Variants in GNAL observed in about 807,000 individuals in gnomAD.
GNAL encodes G protein subunit alpha L.
In GNAL, 18 loss-of-function variants were observed where a neutral mutation model predicts 55.1. The ratio of observed to expected loss-of-function variants is 0.33; its 90% CI spans 0.23 to 0.48. The LOEUF is 0.48. Ranked by LOEUF, GNAL falls within the 20% of genes least tolerant of loss-of-function variation. The pLI is 0.99. For synonymous variants in GNAL, 253 were observed against 237.0 expected, an observed-to-expected ratio of 1.07 and a Z score of -0.62; for missense variants, 412 against 614.1, an observed-to-expected ratio of 0.67 and a Z score of 3.48.
chr18:11,859,298 C>T (rs553339297), intron 5 of GNAL, among the ~76,000 whole-genome samples: 22 of 152,274 alleles, frequency 1.4e-4, no homozygotes, highest in African/African-American at 5.3e-4. Context: ...GACTGTCCAG[C>T]CCCAGTTCAG....
chr18:11,878,896 A>G (rs2036592844), intron 11 of GNAL, among the ~76,000 whole-genome samples: 1 of 149,592 alleles, frequency 6.7e-6, no homozygotes, highest in Non-Finnish European at 1.5e-5. Flanking sequence ...CATTCACTAC[A>G]CACTTACTGT....
chr18:11,863,975 A>G (rs754289466), intron 6 of GNAL, among the ~76,000 whole-genome samples: 1 of 152,152 alleles, frequency 6.6e-6, no homozygotes, highest in Non-Finnish European at 1.5e-5. Flanking sequence ...TCTTGCAGAC[A>G]TGATTTTAAG....
rs1161984314 is a variant in GNAL, at chr18:11,884,142, C to T, written c.*3007C>T. 1 of 270,152 alleles carries T rather than the reference C, an allele frequency of 3.7e-6. No individual in the cohort carries two copies. The highest frequency in any genetic ancestry group is 2.2e-5 in the African/African-American group (1 of 45,798). 16.7% of individuals were successfully genotyped at this position (270,152 alleles called of 1,614,324 possible). A position where few individuals can be genotyped will look rare whatever the true frequency, so the allele number is the denominator to read the frequency against. ...CAGGCCCTTCCTGGGGGAACAAGGA[C>T]TGTCGTGCATGTGAGTGACGACATT... is the stretch of plus-strand genomic sequence containing the variant. On this transcript the variant is annotated 3_prime_UTR_variant, in exon 12 of 12. Coordinates refer to ENST00000334049, the MANE Select transcript of GNAL (RefSeq NM_182978.4).
chr18:11,856,098 C>T (rs932343957), intron 5 of GNAL, among the ~76,000 whole-genome samples: 1 of 151,388 alleles, frequency 6.6e-6, no homozygotes, highest in Non-Finnish European at 1.5e-5. Context: ...TCTGCAAAAA[C>T]ACAACATCCT....
rs113975970 is a variant in GNAL, at chr18:11,863,650, GA to G, written c.778-872del. 1.9e-4 allele frequency among the ~76,000 whole-genome samples: 28 copies of G among 147,018 alleles called. No homozygotes were observed. In the East Asian group the frequency reaches 2.2e-3, roughly 11 times the overall value. ...AAAATCACATGGATTTGGGGGTCAG[GA>G]AAAAAAAAAACTCTGACATCTGCCA... On this transcript the variant is annotated intron_variant, in intron 6 of 11. Transcript: ENST00000334049.
intron 9 of GNAL, among the ~76,000 whole-genome samples, chr18:11,869,545 G>T (rs1327421338): frequency 6.6e-6 from 1 of 152,148 alleles, no homozygotes; most frequent in Non-Finnish European, 1.5e-5. Context: ...CATATCTTCA[G>T]GTTCCACATC....
chr18:11,851,960 A>G (rs1340313610), intron 5 of GNAL: 2 of 1,613,858 alleles, frequency 1.2e-6, no homozygotes, highest in African/African-American at 1.3e-5. Context: ...AACCAAGTGG[A>G]TATGCTGCTC....
chr18:11,733,872 G>GAAA (rs10570693), intron 1 of GNAL, among the ~76,000 whole-genome samples: 13 of 98,722 alleles, frequency 1.3e-4, no homozygotes, highest in African/African-American at 3.7e-4. Context: ...GTCTATCACT[G>GAAA]AAAAAAAAAA....
intron 1 of GNAL, among the ~76,000 whole-genome samples, chr18:11,750,439 G>A (rs1305869900): frequency 6.6e-6 from 1 of 152,068 alleles, no homozygotes; most frequent in East Asian, 1.9e-4. Context: ...GATGCAGTCA[G>A]CCCGTCAGGA....
intron 5 of GNAL, among the ~76,000 whole-genome samples, chr18:11,859,769 G>T (rs1272846482): frequency 6.6e-6 from 1 of 150,390 alleles, no homozygotes; most frequent in Non-Finnish European, 1.5e-5. Flanking sequence ...TTTTTGAGAC[G>T]GAGTCTCACT....
At position 11,801,270 on chromosome 18, in the gene GNAL, G is replaced by A. The variant is rs1393748042; in HGVS notation, c.625-23648G>A. ...AATAAATCAATAAACCACAGTGTGG[G>A]CTGGGCGCAGTGGCTCACGCCTGAA... On this transcript the variant is annotated intron_variant, in intron 4 of 11. Transcript: ENST00000334049. Among the ~76,000 whole-genome samples the A allele has an allele frequency of 2.0e-5, 3 of 152,308 alleles. No homozygotes were observed. In the East Asian group the frequency reaches 5.8e-4, roughly 29 times the overall value.
chr18:11,774,229 G>A (rs941545666), intron 4 of GNAL, among the ~76,000 whole-genome samples: 5 of 152,172 alleles, frequency 3.3e-5, no homozygotes, highest in African/African-American at 4.8e-5. Context: ...TGGTGTGGCC[G>A]AAGAACAAGC....
rs917664970 is a variant in GNAL at position 11,781,573 on chromosome 18, G to T, written c.624+27628G>T. 2.6e-5 allele frequency among the ~76,000 whole-genome samples: 4 copies of T among 152,122 alleles called. No homozygotes were observed. The South Asian group carries it at 8.3e-4, about 32-fold the overall frequency. ...GTTGTAGACATTTCCTTAGTTAATT[G>T]CATAAATCTTTAAAAACATCATTTT... is the stretch of plus-strand genomic sequence containing the variant. On this transcript the variant is annotated intron_variant, in intron 4 of 11. Transcript: ENST00000334049.
chr18:11,808,025 C>CTT (rs111276081), intron 4 of GNAL, among the ~76,000 whole-genome samples: 1 of 144,282 alleles, frequency 6.9e-6, no homozygotes. Context: ...GCCCAGCCTT[C>CTT]TTTTTTTTTT....
chr18:11,720,186 T>C (rs1045631587), intron 1 of GNAL, among the ~76,000 whole-genome samples: 3 of 152,206 alleles, frequency 2.0e-5, no homozygotes, highest in African/African-American at 7.2e-5. Flanking sequence ...TTCTGTAGGA[T>C]GAATAGTTTA....
intron 4 of GNAL, among the ~76,000 whole-genome samples, chr18:11,783,305 T>C (rs12327266): frequency 0.45 from 67,767 of 152,142 alleles, 18,955 homozygotes; most frequent in African/African-American, 0.8. Flanking sequence ...GCTTGTTCCT[T>C]TCTCAAATGG....
intron 4 of GNAL, among the ~76,000 whole-genome samples, chr18:11,763,366 C>T (rs2033304456): frequency 6.6e-6 from 1 of 152,126 alleles, no homozygotes; most frequent in Non-Finnish European, 1.5e-5. Flanking sequence ...CTTCTGTAAC[C>T]ACAGCACAGG....
At chr18:11,852,366 C>T in intron 5 of GNAL, 1 of 460,502 alleles carries the variant, frequency 2.2e-6, no homozygotes, top group Non-Finnish European at 4.0e-6. Flanking sequence ...TAGTTAATTT[C>T]GTGTATATGA....
At chr18:11,803,295 T>A (rs2034566912) in intron 4 of GNAL, among the ~76,000 whole-genome samples, 1 of 152,214 alleles carries the variant, frequency 6.6e-6, no homozygotes, top group Admixed American at 6.5e-5. Context: ...TGATTTTGAC[T>A]TATGTAAGTG....
Sources: allele counts gnomAD v4.1 joint callset (sites outside exome capture counted in the v4.1 genomes callset), GRCh38; gene constraint gnomAD v4.1.1; transcripts MANE v1.5; gene names NCBI Gene and HGNC (gene_info 2026-07-23, HGNC 2026-07-21).